The following CDK8 variants were observed in gnomAD, a reference collection of about 807,000 sequenced individuals.
CDK8 encodes the protein cyclin dependent kinase 8.
CDK8 carries 29 observed loss-of-function variants against 71.5 expected under a neutral mutation model. The ratio of observed to expected loss-of-function variants is 0.41; its 90% CI spans 0.30 to 0.55. The LOEUF (loss-of-function observed/expected upper bound fraction) is 0.55, where lower values mean the gene tolerates loss of function less well. Among genes scored for constraint, CDK8 ranks in the 20% least tolerant of loss-of-function variants. The probability of loss-of-function intolerance (pLI) is 0.37; values close to 1 mark genes in which losing one functional copy is unlikely to be tolerated. For missense variants in CDK8, 288 were observed against 572.6 expected (o/e 0.50, Z 5.07); for synonymous variants, 161 against 192.1 (o/e 0.84, Z 1.34).
intron 4 of CDK8, chr13:26,359,145 A>T (rs530323888): frequency 1.2e-5 from 2 of 170,062 alleles, no homozygotes; most frequent in Admixed American, 1.2e-4. Flanking sequence ...GTACCATATG[A>T]TTCCACTTTC....
intron 4 of CDK8, among the ~76,000 whole-genome samples, chr13:26,363,601 C>G (rs1371431035): frequency 6.6e-6 from 1 of 151,994 alleles, no homozygotes; most frequent in Non-Finnish European, 1.5e-5. Flanking sequence ...GGCTCTTGGG[C>G]TCAAGCAGTT....
intron 1 of CDK8, among the ~76,000 whole-genome samples, chr13:26,324,992 C>G (rs1225291178): frequency 6.6e-6 from 1 of 152,108 alleles, no homozygotes; most frequent in South Asian, 2.1e-4. Flanking sequence ...AAGTATAAAC[C>G]TGGCTTGAAT....
chr13:26,379,536 C>T (rs1221893694), intron 4 of CDK8, among the ~76,000 whole-genome samples: 2 of 152,156 alleles, frequency 1.3e-5, no homozygotes, highest in Non-Finnish European at 2.9e-5. Context: ...CAAGCCAATA[C>T]CATCCATCCC....
intron 1 of CDK8, among the ~76,000 whole-genome samples, chr13:26,266,013 G>A (rs1425132172): frequency 6.6e-6 from 1 of 151,990 alleles, no homozygotes; most frequent in Non-Finnish European, 1.5e-5. Context: ...GGATGAGGAG[G>A]GAGAAATGAT....
chr13:26,271,140 T>C (rs916571042), intron 1 of CDK8, among the ~76,000 whole-genome samples: 3 of 152,260 alleles, frequency 2.0e-5, no homozygotes, highest in Non-Finnish European at 4.4e-5. Context: ...TCAAATGCTT[T>C]GCTGTTTAAA....
intron 1 of CDK8, among the ~76,000 whole-genome samples, chr13:26,307,716 T>C (rs2137925776): frequency 6.6e-6 from 1 of 152,354 alleles, no homozygotes; most frequent in South Asian, 2.1e-4. Flanking sequence ...GCTTGTGTTA[T>C]ATTTTGTATG....
intron 1 of CDK8, among the ~76,000 whole-genome samples, chr13:26,327,137 C>CT (rs1408132819): frequency 6.6e-6 from 1 of 151,926 alleles, no homozygotes; most frequent in African/African-American, 2.4e-5. Flanking sequence ...ATGAGTTTGC[C>CT]TTTTTTCAAC....
chr13:26,350,068 T>C (rs916879351), intron 3 of CDK8, among the ~76,000 whole-genome samples: 8 of 152,206 alleles, frequency 5.3e-5, no homozygotes, highest in Admixed American at 1.3e-4. Context: ...CTATAACATA[T>C]AGCCTAGGTT....
intron 4 of CDK8, among the ~76,000 whole-genome samples, chr13:26,355,285 T>G (rs954433502): frequency 2.0e-5 from 3 of 152,242 alleles, no homozygotes; most frequent in African/African-American, 7.2e-5. Context: ...TATGCAAACT[T>G]TTATTTTTAA....
At chr13:26,266,106 AT>A (rs1334218127) in intron 1 of CDK8, among the ~76,000 whole-genome samples, 29 of 151,836 alleles carry the variant, frequency 1.9e-4, no homozygotes, top group African/African-American at 5.6e-4. Flanking sequence ...GGGCAGCTGG[AT>A]ATTGCCATTC....
chr13:26,281,429 G>A (rs978987263), intron 1 of CDK8, among the ~76,000 whole-genome samples: 6 of 152,216 alleles, frequency 3.9e-5, no homozygotes, highest in African/African-American at 9.7e-5. Flanking sequence ...CATCCCTAAC[G>A]GGGAGTGCAT....
At chr13:26,370,636 A>C (rs1341985425) in intron 4 of CDK8, among the ~76,000 whole-genome samples, 1 of 152,208 alleles carries the variant, frequency 6.6e-6, no homozygotes, top group African/African-American at 2.4e-5. Context: ...AACAGTCACG[A>C]TACAGGATTG....
intron 4 of CDK8, among the ~76,000 whole-genome samples, chr13:26,368,494 G>A (rs2138023022): frequency 6.6e-6 from 1 of 152,242 alleles, no homozygotes; most frequent in South Asian, 2.1e-4. Context: ...CACTAAGAAA[G>A]AAAACATGCT....
At chr13:26,265,295 T>C (rs932044097) in intron 1 of CDK8, among the ~76,000 whole-genome samples, 1 of 152,146 alleles carries the variant, frequency 6.6e-6, no homozygotes, top group African/African-American at 2.4e-5. Context: ...TTGAGGGGCA[T>C]AGGCAGGTAA....
At chr13:26,266,943 A>G (rs960638312) in intron 1 of CDK8, among the ~76,000 whole-genome samples, 7 of 152,206 alleles carry the variant, frequency 4.6e-5, no homozygotes, top group Non-Finnish European at 1.0e-4. Flanking sequence ...CCAGAAATGT[A>G]TTCTTAAAAC....
intron 9 of CDK8, among the ~76,000 whole-genome samples, chr13:26,397,873 T>C (rs1174157511): frequency 6.6e-6 from 1 of 152,174 alleles, no homozygotes; most frequent in African/African-American, 2.4e-5. Flanking sequence ...TAATTAATAA[T>C]GTTTTTTGTT....
intron 1 of CDK8, among the ~76,000 whole-genome samples, chr13:26,260,021 T>G (rs1237165562): frequency 6.6e-6 from 1 of 152,184 alleles, no homozygotes; most frequent in East Asian, 1.9e-4. Flanking sequence ...TTTACAGTAT[T>G]TGATTTGGAT....
intron 1 of CDK8, among the ~76,000 whole-genome samples, chr13:26,332,213 T>A (rs1008598747): frequency 1.3e-5 from 2 of 151,842 alleles, no homozygotes; most frequent in South Asian, 2.1e-4. Flanking sequence ...TTTGGTGGAG[T>A]CTTTAGGTTT....
At chr13:26,286,184 A>G (rs1873011032) in intron 1 of CDK8, among the ~76,000 whole-genome samples, 1 of 152,246 alleles carries the variant, frequency 6.6e-6, no homozygotes, top group South Asian at 2.1e-4. Flanking sequence ...TGGAACCAAG[A>G]AAGAGCCCAC....
Sources: allele counts gnomAD v4.1 joint callset (sites outside exome capture counted in the v4.1 genomes callset), GRCh38; gene constraint gnomAD v4.1.1; transcripts MANE v1.5; gene names NCBI Gene and HGNC (gene_info 2026-07-23, HGNC 2026-07-21).